ANKS1B: variants seen among roughly 807,000 people sequenced by gnomAD.
ANKS1B encodes the protein ankyrin repeat and sterile alpha motif domain containing 1B.
ANKS1B carries 36 observed loss-of-function variants against 148.3 expected under a neutral mutation model. The observed-to-expected ratio is 0.24, with a 90% CI of 0.19 to 0.32. ANKS1B has a LOEUF of 0.32. ANKS1B is among the 10% of genes least tolerant of loss of function. The pLI, the probability that ANKS1B is intolerant of heterozygous loss-of-function variation, is 1.00. For synonymous variants in ANKS1B, 542 were observed against 560.8 expected (o/e 0.97, Z 0.47); for missense variants, 1,157 against 1,542.6 (o/e 0.75, Z 4.19).
At chr12:98,863,289 T>A (rs1310794525) in intron 17 of ANKS1B, among the ~76,000 whole-genome samples, 1 of 151,342 alleles carries the variant, frequency 6.6e-6, no homozygotes, top group Non-Finnish European at 1.5e-5. Context: ...AACAGTGGGG[T>A]TTTTCTGCAG....
intron 8 of ANKS1B, among the ~76,000 whole-genome samples, chr12:99,769,424 A>T (rs984295021): frequency 6.6e-6 from 1 of 152,180 alleles, no homozygotes; most frequent in Admixed American, 6.5e-5. Context: ...GCTGAGAACC[A>T]TTGTTTGAGC....
intron 2 of ANKS1B, among the ~76,000 whole-genome samples, chr12:99,813,621 A>G (rs1322057837): frequency 1.3e-5 from 2 of 151,630 alleles, no homozygotes; most frequent in African/African-American, 4.8e-5. Flanking sequence ...GGTAAAACAT[A>G]CTGTCCAGAA....
intron 17 of ANKS1B, among the ~76,000 whole-genome samples, chr12:98,987,101 T>A (rs2090711885): frequency 6.6e-6 from 1 of 152,084 alleles, no homozygotes; most frequent in Non-Finnish European, 1.5e-5. Flanking sequence ...TATAGTAGAA[T>A]GCGATTTAAA....
At chr12:99,933,350 G>A (rs1039462646) in intron 1 of ANKS1B, among the ~76,000 whole-genome samples, 23 of 152,082 alleles carry the variant, frequency 1.5e-4, no homozygotes, top group African/African-American at 4.6e-4. Context: ...ACTGCTTTGG[G>A]TAGTATGGAC....
At chr12:99,858,898 A>C (rs1270237871) in intron 1 of ANKS1B, among the ~76,000 whole-genome samples, 1 of 152,142 alleles carries the variant, frequency 6.6e-6, no homozygotes, top group Admixed American at 6.6e-5. Context: ...GGTGAGGGAT[A>C]TAAGACTACA....
intron 15 of ANKS1B, among the ~76,000 whole-genome samples, chr12:99,114,767 T>C (rs952800720): frequency 1.3e-5 from 2 of 151,312 alleles, no homozygotes; most frequent in Non-Finnish European, 2.9e-5. Flanking sequence ...AAAAAAGAAC[T>C]TAAATTCACA....
chr12:99,192,278 T>C (rs1473781303), intron 14 of ANKS1B, among the ~76,000 whole-genome samples: 1 of 152,160 alleles, frequency 6.6e-6, no homozygotes, highest in Non-Finnish European at 1.5e-5. Flanking sequence ...AAAATTGTCT[T>C]GCTTGATTTC....
At chr12:99,658,148 C>G (rs898598968) in intron 8 of ANKS1B, among the ~76,000 whole-genome samples, 1 of 152,088 alleles carries the variant, frequency 6.6e-6, no homozygotes, top group South Asian at 2.1e-4. Context: ...GTCTGCACAG[C>G]GTATTGTAGT....
intron 22 of ANKS1B, among the ~76,000 whole-genome samples, chr12:98,787,486 G>T (rs973764619): frequency 2.6e-5 from 4 of 152,154 alleles, no homozygotes; most frequent in Non-Finnish European, 5.9e-5. Context: ...TGAGCCCTAT[G>T]AAGTAGCCAT....
intron 17 of ANKS1B, among the ~76,000 whole-genome samples, chr12:98,837,254 T>C (rs950340719): frequency 6.6e-6 from 1 of 151,410 alleles, no homozygotes; most frequent in Non-Finnish European, 1.5e-5. Context: ...GGAGAATCAC[T>C]TGAACCCGGG....
intron 7 of ANKS1B, among the ~76,000 whole-genome samples, chr12:99,774,580 C>CA (rs1290921821): frequency 2.0e-5 from 3 of 151,948 alleles, no homozygotes; most frequent in Non-Finnish European, 4.4e-5. Context: ...GGAGATTCCT[C>CA]AAAAAATTAA....
At chr12:99,976,668 T>G (rs994014553) in intron 1 of ANKS1B, among the ~76,000 whole-genome samples, 1 of 152,144 alleles carries the variant, frequency 6.6e-6, no homozygotes, top group Non-Finnish European at 1.5e-5. Context: ...AGAATCCAAA[T>G]AACTCTACTG....
intron 2 of ANKS1B, among the ~76,000 whole-genome samples, chr12:99,817,449 G>A (rs760161368): frequency 3.3e-5 from 5 of 151,176 alleles, no homozygotes; most frequent in Non-Finnish European, 4.4e-5. Context: ...CTTAGCTATT[G>A]GGAATAGTGC....
At chr12:99,432,263 C>T (rs577414653) in intron 11 of ANKS1B, among the ~76,000 whole-genome samples, 4 of 152,218 alleles carry the variant, frequency 2.6e-5, no homozygotes, top group Non-Finnish European at 5.9e-5. Flanking sequence ...TCCATTATAG[C>T]GACACAAAGT....
At chr12:99,166,008 A>G (rs1380280666) in intron 14 of ANKS1B, among the ~76,000 whole-genome samples, 1 of 151,872 alleles carries the variant, frequency 6.6e-6, no homozygotes, top group African/African-American at 2.4e-5. Context: ...CATCAGATTA[A>G]CTAATAAAGA....
At chr12:99,388,753 C>A (rs1387517701) in intron 12 of ANKS1B, among the ~76,000 whole-genome samples, 1 of 152,112 alleles carries the variant, frequency 6.6e-6, no homozygotes, top group Non-Finnish European at 1.5e-5. Flanking sequence ...GACTGTTGGC[C>A]CAATTTGCTT....
chr12:99,078,069 C>A (rs953228501), intron 16 of ANKS1B, among the ~76,000 whole-genome samples: 8 of 152,158 alleles, frequency 5.3e-5, no homozygotes, highest in Admixed American at 1.3e-4. Flanking sequence ...GCCACAGTTT[C>A]CACCACTCCA....
intron 15 of ANKS1B, among the ~76,000 whole-genome samples, chr12:99,143,249 C>A (rs1313471698): frequency 6.6e-6 from 1 of 152,050 alleles, no homozygotes; most frequent in East Asian, 1.9e-4. Context: ...ACTCAAGGGG[C>A]AGAAATCAGT....
At chr12:98,903,060 C>T (rs1033459705) in intron 17 of ANKS1B, among the ~76,000 whole-genome samples, 4 of 152,012 alleles carry the variant, frequency 2.6e-5, no homozygotes, top group African/African-American at 9.7e-5. Context: ...TGATTATGTA[C>T]ATTATTATGA....
Sources: gnomAD v4.1 joint callset for allele counts (sites outside exome capture counted in the v4.1 genomes callset) on GRCh38, gnomAD v4.1.1 for gene constraint, MANE v1.5 for transcripts, NCBI Gene and HGNC (gene_info 2026-07-23, HGNC 2026-07-21) for gene names.